The following CDH13 variants were observed in gnomAD, a reference collection of about 807,000 sequenced individuals.
CDH13 encodes the protein cadherin 13, also known as cadherin-13.
In CDH13, 24 loss-of-function variants were observed where a neutral mutation model predicts 63.8. The ratio of observed to expected loss-of-function variants is 0.38; its 90% CI spans 0.27 to 0.53. The LOEUF is 0.53. Among genes scored for constraint, CDH13 ranks in the 20% least tolerant of loss-of-function variants. The pLI, the probability that CDH13 is intolerant of heterozygous loss-of-function variation, is 0.85. For missense variants in CDH13, 1,049 were observed against 903.1 expected (o/e 1.16, Z -2.07); for synonymous variants, 503 against 355.3 (o/e 1.42, Z -4.67).
intron 7 of CDH13, among the ~76,000 whole-genome samples, chr16:83,574,892 G>A (rs1904966812): frequency 6.6e-6 from 1 of 152,044 alleles, no homozygotes; most frequent in Non-Finnish European, 1.5e-5. Flanking sequence ...AGGGAACAAT[G>A]TGAAATACCC....
At chr16:82,687,714 C>G (rs1470874463) in intron 1 of CDH13, among the ~76,000 whole-genome samples, 1 of 152,082 alleles carries the variant, frequency 6.6e-6, no homozygotes, top group African/African-American at 2.4e-5. Flanking sequence ...GCTGGGGACA[C>G]AGAGCCAAGC....
In CDH13 at chr16:83,527,435, C is replaced by T. The variant is rs1296192244; in HGVS notation, c.960+40780C>T. ...CTGCACTCCAGCCTGGGCGACAAAG[C>T]GAGACCCCATCTCAAAAAAAAAAAA... On this transcript the variant is annotated intron_variant, in intron 7 of 13. Transcript: ENST00000567109. 4.6e-5 allele frequency among the ~76,000 whole-genome samples: 7 copies of T among 150,572 alleles called. No individual in the cohort carries two copies. In the South Asian group the frequency reaches 6.3e-4, roughly 14 times the overall value.
At chr16:83,448,298 G>A (rs1180731600) in intron 6 of CDH13, among the ~76,000 whole-genome samples, 1 of 152,122 alleles carries the variant, frequency 6.6e-6, no homozygotes, top group African/African-American at 2.4e-5. Flanking sequence ...ACCAGGGCAG[G>A]CATGCAGACA....
intron 3 of CDH13, among the ~76,000 whole-genome samples, chr16:83,065,678 C>T (rs1193989697): frequency 6.8e-6 from 1 of 147,396 alleles, no homozygotes; most frequent in Non-Finnish European, 1.5e-5. Context: ...GCATTCTAGC[C>T]TGGGTGACAG....
chr16:83,771,496 T>G (rs1370455778), intron 11 of CDH13, among the ~76,000 whole-genome samples: 1 of 152,218 alleles, frequency 6.6e-6, no homozygotes, highest in Non-Finnish European at 1.5e-5. Context: ...AGAGGTTGAA[T>G]GCCAGGAAGA....
intron 2 of CDH13, among the ~76,000 whole-genome samples, chr16:82,883,109 G>C (rs777139749): frequency 4.6e-5 from 7 of 152,096 alleles, no homozygotes; most frequent in Non-Finnish European, 7.3e-5. Context: ...GTGACAATGG[G>C]GTTTCACACC....
chr16:83,469,804 G>A (rs1384374065), intron 6 of CDH13, among the ~76,000 whole-genome samples: 3 of 152,142 alleles, frequency 2.0e-5, no homozygotes, highest in Non-Finnish European at 2.9e-5. Flanking sequence ...TGCGGTGGGG[G>A]ATGGGACTGA....
At chr16:82,736,339 G>T (rs184444905) in intron 1 of CDH13, among the ~76,000 whole-genome samples, 1 of 152,078 alleles carries the variant, frequency 6.6e-6, no homozygotes, top group Non-Finnish European at 1.5e-5. Flanking sequence ...AGTTGTTAAG[G>T]GAAGAAAAAA....
At chr16:83,074,598 C>A (rs1370522973) in intron 3 of CDH13, among the ~76,000 whole-genome samples, 2 of 152,138 alleles carry the variant, frequency 1.3e-5, no homozygotes, top group East Asian at 3.8e-4. Context: ...AATGGCTATA[C>A]TAATTTACTT....
intron 5 of CDH13, among the ~76,000 whole-genome samples, chr16:83,277,006 C>A (rs1447756679): frequency 6.6e-6 from 1 of 152,100 alleles, no homozygotes; most frequent in Non-Finnish European, 1.5e-5. Flanking sequence ...TGGGAAAGAC[C>A]TGCCCCCATA....
chr16:83,000,291 C>T (rs1451599856), intron 2 of CDH13, among the ~76,000 whole-genome samples: 1 of 107,832 alleles, frequency 9.3e-6, no homozygotes. Flanking sequence ...TCTTGTTGCC[C>T]AGACTGTAGT....
chr16:83,740,597 G>T (rs1306806744), intron 10 of CDH13, among the ~76,000 whole-genome samples: 1 of 152,198 alleles, frequency 6.6e-6, no homozygotes, highest in African/African-American at 2.4e-5. Flanking sequence ...GATGCCAGCT[G>T]CCATATGCCA....
chr16:82,703,227 A>G (rs944797639), intron 1 of CDH13, among the ~76,000 whole-genome samples: 40 of 152,054 alleles, frequency 2.6e-4, no homozygotes, highest in Admixed American at 1.3e-3. Flanking sequence ...ACACACACAC[A>G]CACAATGTTA....
chr16:83,385,007 G>T (rs1030589100), intron 6 of CDH13, among the ~76,000 whole-genome samples: 1 of 152,206 alleles, frequency 6.6e-6, no homozygotes, highest in Admixed American at 6.5e-5. Flanking sequence ...AAACAAAGAT[G>T]GTTGGCAAAC....
chr16:82,994,019 T>C (rs991637878), intron 2 of CDH13, among the ~76,000 whole-genome samples: 1 of 152,184 alleles, frequency 6.6e-6, no homozygotes, highest in African/African-American at 2.4e-5. Flanking sequence ...CGGAAATGTC[T>C]TCTGCAGAGC....
At chr16:82,999,598 A>G (rs1393159379) in intron 2 of CDH13, among the ~76,000 whole-genome samples, 1 of 152,224 alleles carries the variant, frequency 6.6e-6, no homozygotes. Flanking sequence ...GCATGACACC[A>G]AAAGTTAAAA....
chr16:83,699,627 G>GCA (rs769722184), intron 10 of CDH13, among the ~76,000 whole-genome samples: 4 of 152,034 alleles, frequency 2.6e-5, no homozygotes, highest in African/African-American at 9.7e-5. Context: ...GCACACATAT[G>GCA]CACACACACG....
At chr16:82,927,914 C>A (rs1411416866) in intron 2 of CDH13, among the ~76,000 whole-genome samples, 5 of 152,128 alleles carry the variant, frequency 3.3e-5, no homozygotes. Context: ...TCTTAAATAG[C>A]AGTCATTGTA....
intron 2 of CDH13, among the ~76,000 whole-genome samples, chr16:82,923,297 G>T (rs2042211924): frequency 1.3e-5 from 2 of 152,214 alleles, no homozygotes; most frequent in South Asian, 4.1e-4. Context: ...TTTGTTCCAT[G>T]AGTGAAGTGA....
Sources: allele counts gnomAD v4.1 joint callset (sites outside exome capture counted in the v4.1 genomes callset), GRCh38; gene constraint gnomAD v4.1.1; transcripts MANE v1.5; gene names NCBI Gene and HGNC (gene_info 2026-07-23, HGNC 2026-07-21).